Variants in MEAK7 observed in about 807,000 individuals in gnomAD.
MEAK7 encodes the protein MTOR-associated protein MEAK7.
MEAK7 carries 68 observed loss-of-function variants against 40.5 expected under a neutral mutation model. The observed-to-expected ratio is 1.68, with a 90% CI of 1.38 to 2.06. MEAK7 has a LOEUF of 2.06. Among genes scored for constraint, MEAK7 ranks in the 30% most tolerant of loss-of-function variants. The pLI is 0.00. For synonymous variants in MEAK7, 338 were observed against 231.9 expected (o/e 1.46, Z -4.16); for missense variants, 918 against 580.5 (o/e 1.58, Z -5.98).
At chr16:84,497,663 G>A (rs950884311) in intron 2 of MEAK7, 4 of 1,447,100 alleles carry the variant, frequency 2.8e-6, no homozygotes, top group East Asian at 3.1e-5. Flanking sequence ...GTACAGATAA[G>A]AGACTATTGA....
intron 4 of MEAK7, chr16:84,488,224 T>C (rs1397713696): frequency 2.6e-5 from 4 of 152,220 alleles, no homozygotes; most frequent in Non-Finnish European, 5.9e-5. Context: ...AACATACTGA[T>C]TCTAGATGGA....
rs759063531 is a variant in MEAK7, at chr16:84,480,562, C to T, written c.1224G>A (p.Val408=). 3 of 1,613,460 alleles carry T rather than the reference C, an allele frequency of 1.9e-6. No individual in the cohort carries two copies. Among genetic ancestry groups the T allele is most frequent in the Admixed American group, 3.3e-5 (2 of 59,960 alleles). ...QENFQFDKME[V]WAVGDPSEEQ... The stretch of plus-strand genomic sequence containing the variant: ...CCTCTGAGGGGTCTCCAACCGCCCA[C>T]ACCTCCATCTTATCAAACTGGAAGT... The change falls in exon 7 of 8, where the codon GTG becomes GTA. Residue 408 remains valine (V), a synonymous_variant. Transcript: ENST00000343629.
At chr16:84,502,859 G>C (rs1344961307) in intron 1 of MEAK7, 5 of 152,204 alleles carry the variant, frequency 3.3e-5, no homozygotes, top group African/African-American at 1.2e-4. Context: ...GACAGAGCAA[G>C]ACTCTGTCTC....
chr16:84,480,156 G>A (rs1912397580), intron 7 of MEAK7, 130 bp from the exon 8 acceptor site: 6 of 703,522 alleles, frequency 8.5e-6, no homozygotes, highest in Non-Finnish European at 1.4e-5. Context: ...CCCACTCTGG[G>A]ATTCAGTGGC....
chr16:84,481,569 G>A (rs142014548), intron 6 of MEAK7, among the ~76,000 whole-genome samples: 360 of 152,302 alleles, frequency 2.4e-3, no homozygotes, highest in Middle Eastern at 6.8e-3. Flanking sequence ...TGGGAAGGAC[G>A]CTGGTCCCTA....
chr16:84,494,976 A>G (rs1231741259), intron 3 of MEAK7: 4 of 368,382 alleles, frequency 1.1e-5, no homozygotes, highest in Non-Finnish European at 2.1e-5. Flanking sequence ...AAGGTTTAAA[A>G]TCTCCACAGC....
intron 6 of MEAK7, among the ~76,000 whole-genome samples, chr16:84,481,956 A>C (rs1912592341): frequency 6.6e-6 from 1 of 151,992 alleles, no homozygotes; most frequent in African/African-American, 2.4e-5. Flanking sequence ...AAAAGAAAAG[A>C]GCTTTCTGTC....
At chr16:84,496,078 C>T (rs1015672357) in intron 2 of MEAK7, among the ~76,000 whole-genome samples, 165 bp from the exon 3 acceptor site, 2 of 152,162 alleles carry the variant, frequency 1.3e-5, no homozygotes, top group African/African-American at 4.8e-5. Context: ...TCTCTTAGAG[C>T]CAGGCCGGAA....
At chr16:84,493,473 C>T (rs1421634267) in intron 3 of MEAK7, among the ~76,000 whole-genome samples, 4 of 152,142 alleles carry the variant, frequency 2.6e-5, no homozygotes, top group South Asian at 4.1e-4. Flanking sequence ...TTGCGTGGAC[C>T]GAACTAACAG....
chr16:84,481,033 G>T lies in MEAK7; in HGVS notation c.1078-325C>A, dbSNP rs76089629. ...ATATATAGAGAAAGAGACCTCCAGGGCCCAGGGCCCCGCCCAGTTAAGATA... is the reference window on the plus strand; with the variant it reads ...ATATATAGAGAAAGAGACCTCCAGGTCCCAGGGCCCCGCCCAGTTAAGATA... On this transcript the variant is annotated intron_variant, in intron 6 of 7. Coordinates refer to ENST00000343629, the MANE Select transcript of MEAK7 (RefSeq NM_020947.4). 6.4e-3 allele frequency among the ~76,000 whole-genome samples: 923 copies of T among 144,714 alleles called. 11 individuals are homozygous for T. The highest frequency in any genetic ancestry group is 0.021 in the African/African-American group (874 of 40,790). 94.9% of individuals were successfully genotyped at this position (144,714 alleles called of 152,430 possible).
intron 1 of MEAK7, among the ~76,000 whole-genome samples, chr16:84,502,370 G>A (rs947793926): frequency 3.3e-5 from 5 of 152,218 alleles, no homozygotes; most frequent in East Asian, 3.9e-4. Flanking sequence ...ATGGCCTTAC[G>A]ACGAGGAAGT....
chr16:84,494,981 C>T (rs1204424726), intron 3 of MEAK7: 4 of 364,960 alleles, frequency 1.1e-5, no homozygotes, highest in Non-Finnish European at 2.1e-5. Flanking sequence ...TTAAAATCTC[C>T]ACAGCTGGCC....
In MEAK7 at chr16:84,476,835, G is replaced by A. The variant is rs1419063414; in HGVS notation, c.*3078C>T. The A allele has an allele frequency of 1.3e-5, 2 of 152,254 alleles. No individual in the cohort carries two copies. Among genetic ancestry groups the A allele is most frequent in the African/African-American group, 4.8e-5 (2 of 41,452 alleles). 9.4% of individuals were successfully genotyped at this position (152,254 alleles called of 1,614,324 possible). ...GTCAGGAGGGAAAATAGCTGGAGAAGAGGCAGGAAGATGACTGACTTTAAG... is the reference window on the plus strand; with the variant it reads ...GTCAGGAGGGAAAATAGCTGGAGAAAAGGCAGGAAGATGACTGACTTTAAG... On this transcript the variant is annotated 3_prime_UTR_variant, in exon 8 of 8. Coordinates refer to ENST00000343629, the MANE Select transcript of MEAK7 (RefSeq NM_020947.4).
chr16:84,501,331 T>G (rs1208982188), intron 1 of MEAK7, among the ~76,000 whole-genome samples: 2 of 151,428 alleles, frequency 1.3e-5, no homozygotes, highest in Non-Finnish European at 2.9e-5. Context: ...TCAGGGCACG[T>G]GGGGGAGGGC....
chr16:84,501,717 G>A (rs2150651526), intron 1 of MEAK7, among the ~76,000 whole-genome samples: 1 of 152,274 alleles, frequency 6.6e-6, no homozygotes, highest in East Asian at 1.9e-4. Flanking sequence ...GAGGTGGGAA[G>A]GTGGGCAGCC....
At position 84,495,551 on chromosome 16, in the gene MEAK7, C is replaced by T. The variant is rs916119834; in HGVS notation, c.384+132G>A. On this transcript the variant is annotated intron_variant, in intron 3 of 7. Transcript: ENST00000343629. ...GCCCTTAACCTTGGCAAAATAAACTCCGATTAATTGAAACCCAGCTCAAAT... is the reference window on the plus strand; with the variant it reads ...GCCCTTAACCTTGGCAAAATAAACTTCGATTAATTGAAACCCAGCTCAAAT... 7.4e-6 allele frequency: 6 copies of T among 807,678 alleles called. No homozygotes were observed. The African/African-American group carries it at 1.0e-4, about 14-fold the overall frequency. 50.0% of individuals were successfully genotyped at this position (807,678 alleles called of 1,614,324 possible). A position where few individuals can be genotyped will look rare whatever the true frequency, so the allele number is the denominator to read the frequency against.
rs11860785 is a variant in MEAK7 at position 84,495,697 on chromosome 16, T to G, written c.370A>C (p.Arg124=). The G allele has an allele frequency of 1.0e-2, 16,105 of 1,614,100 alleles. 1,266 individuals carry two copies. In the African/African-American group the frequency reaches 0.18, roughly 18 times the overall value. Residue 124 remains arginine, a synonymous_variant, in exon 3 of 8, where the codon AGA becomes CGA. Coordinates refer to ENST00000343629, the MANE Select transcript of MEAK7 (RefSeq NM_020947.4). ...ISATEGPVKA[R]EVQKFTEDLV... is the part of the protein sequence containing the mutation. ...GGCCTCACTACCTTTTGGACTTCTC[T>G]GGCCTTCACGGGACCTTCTGTGGCA...
At chr16:84,493,151 A>C (rs1913766271) in intron 3 of MEAK7, among the ~76,000 whole-genome samples, 1 of 152,212 alleles carries the variant, frequency 6.6e-6, no homozygotes, top group African/African-American at 2.4e-5. Flanking sequence ...GATGTGTCTT[A>C]GTATATGTTA....
intron 3 of MEAK7, among the ~76,000 whole-genome samples, chr16:84,491,542 A>C (rs1484647320): frequency 6.7e-6 from 1 of 148,278 alleles, no homozygotes; most frequent in Non-Finnish European, 1.5e-5. Context: ...CTGTCTTAAA[A>C]AAAAAAAAAA....
Sources: gnomAD v4.1 joint callset for allele counts (sites outside exome capture counted in the v4.1 genomes callset) on GRCh38, gnomAD v4.1.1 for gene constraint, MANE v1.5 for transcripts, NCBI Gene and HGNC (gene_info 2026-07-23, HGNC 2026-07-21) for gene names.